CDYL2: variants seen among roughly 807,000 people sequenced by gnomAD.
CDYL2 encodes chromodomain Y like 2.
CDYL2 carries 23 observed loss-of-function variants against 49.4 expected under a neutral mutation model. That is an observed-to-expected ratio of 0.47 (90% CI 0.34 to 0.66). The LOEUF (loss-of-function observed/expected upper bound fraction) is 0.66. CDYL2 is among the 30% of genes least tolerant of loss of function. The probability of loss-of-function intolerance (pLI) is 0.01; values close to 1 mark genes in which losing one functional copy is unlikely to be tolerated. For missense variants in CDYL2, 678 were observed against 656.4 expected (o/e 1.03, Z -0.36); for synonymous variants, 360 against 268.8 (o/e 1.34, Z -3.32).
intron 1 of CDYL2, among the ~76,000 whole-genome samples, chr16:80,759,778 A>G (rs1906464099): frequency 6.6e-6 from 1 of 152,202 alleles, no homozygotes; most frequent in African/African-American, 2.4e-5. Flanking sequence ...AATTGCACAA[A>G]CCACTTCAAG....
chr16:80,630,221 T>C (rs543696501), intron 3 of CDYL2, among the ~76,000 whole-genome samples: 7 of 152,346 alleles, frequency 4.6e-5, no homozygotes, highest in African/African-American at 1.4e-4. Context: ...GTTTTCCTCC[T>C]GTTCTGTAAC....
intron 1 of CDYL2, among the ~76,000 whole-genome samples, chr16:80,750,997 G>T (rs1360642658): frequency 6.6e-6 from 1 of 150,744 alleles, no homozygotes; most frequent in East Asian, 1.9e-4. Flanking sequence ...TCCAGCCTGG[G>T]CGACAGAGTG....
rs139096904 is a variant in CDYL2 at position 80,796,899 on chromosome 16, G to A, written c.24+7251C>T. Among the ~76,000 whole-genome samples, 602 of 152,158 alleles carry A rather than the reference G, an allele frequency of 4.0e-3. 4 individuals are homozygous for A. The highest frequency in any genetic ancestry group is 7.1e-3 in the Non-Finnish European group (483 of 68,012). On this transcript the variant is annotated intron_variant, in intron 1 of 6. Coordinates refer to ENST00000570137, the MANE Select transcript of CDYL2 (RefSeq NM_152342.4). ...ACTCTATGGAATAGATGCACCCCAA[G>A]GTTACCAATGACTCACTGGTTATTA...
chr16:80,718,713 C>T lies in CDYL2; in HGVS notation c.25-33584G>A, dbSNP rs551574279. ...CAGCAGTAGATGGTAGGTGGTGTCCCAACAGACACGTGGATAGTGGGATGG... is the reference window on the plus strand; with the variant it reads ...CAGCAGTAGATGGTAGGTGGTGTCCTAACAGACACGTGGATAGTGGGATGG... On this transcript the variant is annotated intron_variant, in intron 1 of 6. Coordinates refer to ENST00000570137, the MANE Select transcript of CDYL2 (RefSeq NM_152342.4). Among the ~76,000 whole-genome samples the T allele has an allele frequency of 6.1e-4, 93 of 152,286 alleles. No individual in the cohort carries two copies. The South Asian group carries it at 0.019, about 32-fold the overall frequency.
rs1265959235 is a variant in CDYL2, at chr16:80,601,879, C to G, written c.*2509G>C. 2 of 152,156 alleles carry G rather than the reference C, an allele frequency of 1.3e-5. No homozygotes were observed. Among genetic ancestry groups the G allele is most frequent in the Non-Finnish European group, 2.9e-5 (2 of 68,030 alleles). The allele number at this position is 152,156 out of a possible 1,614,324, so 9.4% of individuals were successfully genotyped here. On this transcript the variant is annotated 3_prime_UTR_variant, in exon 7 of 7. Coordinates refer to ENST00000570137, the MANE Select transcript of CDYL2 (RefSeq NM_152342.4). ...CATTCCTACCTTAATCTTCAGAGAT[C>G]CTTGAAATGTTTAGAAGTTTGGATT...
At chr16:80,625,482 G>A (rs755163203) in intron 3 of CDYL2, among the ~76,000 whole-genome samples, 3 of 152,162 alleles carry the variant, frequency 2.0e-5, no homozygotes, top group Non-Finnish European at 4.4e-5. Flanking sequence ...TTGTATATCT[G>A]AAACCTTAAA....
intron 2 of CDYL2, among the ~76,000 whole-genome samples, chr16:80,667,238 A>G (rs1909304829): frequency 1.3e-5 from 2 of 152,108 alleles, no homozygotes; most frequent in South Asian, 4.2e-4. Flanking sequence ...GCTTCCATCT[A>G]TCTGGTTCTT....
Position 80,694,414 on chromosome 16 carries a change from G to C in CDYL2, c.25-9285C>G, listed in dbSNP as rs544235491. ...CAGAGGTACAAAGAATTTAAAAAAT[G>C]ACCTTAAGCATACACTAGGTTTGAG... On this transcript the variant is annotated intron_variant, in intron 1 of 6. Coordinates refer to ENST00000570137, the MANE Select transcript of CDYL2 (RefSeq NM_152342.4). Among the ~76,000 whole-genome samples, 3 of 152,212 alleles carry C rather than the reference G, an allele frequency of 2.0e-5. No individual in the cohort carries two copies. The South Asian group carries it at 6.2e-4, about 32-fold the overall frequency.
chr16:80,769,835 T>C lies in CDYL2; in HGVS notation c.24+34315A>G, dbSNP rs570280135. Among the ~76,000 whole-genome samples the C allele has an allele frequency of 4.6e-3, 702 of 152,294 alleles. 2 individuals carry two copies. Among genetic ancestry groups the C allele is most frequent in the African/African-American group, 0.016 (666 of 41,552 alleles). On this transcript the variant is annotated intron_variant, in intron 1 of 6. Transcript: ENST00000570137. ...AATCAGATTATTCATTTCCTAGTAC[T>C]AAAAACAAAATCAGACTTTATAAAC...
chr16:80,693,180 T>C (rs1226338939), intron 1 of CDYL2, among the ~76,000 whole-genome samples: 2 of 152,018 alleles, frequency 1.3e-5, no homozygotes, highest in Non-Finnish European at 1.5e-5. Context: ...AAGGAAACTT[T>C]CTGGGGAAAT....
chr16:80,769,459 C>T (rs1023302793), intron 1 of CDYL2, among the ~76,000 whole-genome samples: 8 of 152,126 alleles, frequency 5.3e-5, no homozygotes, highest in African/African-American at 1.9e-4. Context: ...TTAGTGTTGG[C>T]CAAATAAAAG....
At chr16:80,649,107 A>C (rs988118587) in intron 2 of CDYL2, among the ~76,000 whole-genome samples, 9 of 152,126 alleles carry the variant, frequency 5.9e-5, no homozygotes, top group Admixed American at 5.9e-4. Context: ...TTTCACTACC[A>C]TTATTCAACA....
At chr16:80,779,924 T>C (rs1283512602) in intron 1 of CDYL2, among the ~76,000 whole-genome samples, 1 of 152,174 alleles carries the variant, frequency 6.6e-6, no homozygotes, top group Non-Finnish European at 1.5e-5. Context: ...AACATGTATC[T>C]GCTTTATAAT....
At chr16:80,653,697 C>T (rs1041606225) in intron 2 of CDYL2, among the ~76,000 whole-genome samples, 6 of 152,106 alleles carry the variant, frequency 3.9e-5, no homozygotes, top group African/African-American at 1.2e-4. Flanking sequence ...GAGTTACAAA[C>T]AATCTAGTTA....
At position 80,599,277 on chromosome 16, in the gene CDYL2, A is replaced by G. The variant is rs1905973803; in HGVS notation, c.*5111T>C. The stretch of plus-strand genomic sequence containing the variant: ...TGGCTGATAAGTTGACTTTATAAAT[A>G]CATACCAGAGATGAACCAAATAACT... On this transcript the variant is annotated 3_prime_UTR_variant, in exon 7 of 7. Coordinates refer to ENST00000570137, the MANE Select transcript of CDYL2 (RefSeq NM_152342.4). The G allele has an allele frequency of 6.6e-6, 1 of 152,260 alleles. No individual in the cohort carries two copies. The highest frequency in any genetic ancestry group is 2.4e-5 in the African/African-American group (1 of 41,470). The allele number at this position is 152,260 out of a possible 1,614,324, so 9.4% of individuals were successfully genotyped here. A position where few individuals can be genotyped will look rare whatever the true frequency, so the allele number is the denominator to read the frequency against.
At chr16:80,706,071 G>T (rs376563150) in intron 1 of CDYL2, among the ~76,000 whole-genome samples, 2 of 152,340 alleles carry the variant, frequency 1.3e-5, no homozygotes, top group South Asian at 2.1e-4. Context: ...CAGTGTAGAA[G>T]ACTGATGGAA....
chr16:80,607,500 G>A (rs6564770), intron 6 of CDYL2, among the ~76,000 whole-genome samples: 55,802 of 152,022 alleles, frequency 0.37, 11,857 homozygotes, highest in African/African-American at 0.59. Flanking sequence ...CCGCAGGAGT[G>A]GCCTTGTCTC....
At chr16:80,796,842 C>G (rs192118342) in intron 1 of CDYL2, among the ~76,000 whole-genome samples, 61 of 152,320 alleles carry the variant, frequency 4.0e-4, no homozygotes, top group Admixed American at 2.3e-3. Flanking sequence ...CCTCATCACA[C>G]TGCAATCAAG....
chr16:80,709,594 A>ACACACACACT (rs1491201692), intron 1 of CDYL2, among the ~76,000 whole-genome samples: 1 of 150,422 alleles, frequency 6.6e-6, no homozygotes, highest in South Asian at 2.1e-4. Flanking sequence ...ACACACACAC[A>ACACACACACT]CTTCCTCAAA....
Sources: allele counts gnomAD v4.1 joint callset (sites outside exome capture counted in the v4.1 genomes callset), GRCh38; gene constraint gnomAD v4.1.1; transcripts MANE v1.5; gene names NCBI Gene and HGNC (gene_info 2026-07-23, HGNC 2026-07-21).